Variants in KPNA7 observed in about 807,000 individuals in gnomAD.
The protein encoded by KPNA7 is karyopherin subunit alpha 7.
KPNA7 carries 54 observed loss-of-function variants against 53.7 expected under a neutral mutation model. The observed-to-expected ratio is 1.01, with a 90% confidence interval of 0.81 to 1.26. The LOEUF is 1.26. KPNA7 is among the 50% of genes most tolerant of loss of function. The probability of loss-of-function intolerance (pLI) is 0.00; values close to 1 mark genes in which losing one functional copy is unlikely to be tolerated. For missense variants in KPNA7, 640 were observed against 644.5 expected (o/e 0.99, Z 0.07); for synonymous variants, 276 against 259.3 (o/e 1.06, Z -0.62).
chr7:99,182,225 C>G (rs1245662608), intron 8 of KPNA7, among the ~76,000 whole-genome samples, 160 bp from the exon 9 acceptor site: 1 of 151,802 alleles, frequency 6.6e-6, no homozygotes, highest in Non-Finnish European at 1.5e-5. Context: ...TTCTTTCCCC[C>G]CTCACTCTGT....
intron 2 of KPNA7, among the ~76,000 whole-genome samples, chr7:99,206,382 G>T (rs1264547955): frequency 2.0e-5 from 3 of 152,010 alleles, no homozygotes; most frequent in Admixed American, 1.3e-4. Flanking sequence ...GGCTGGTCTC[G>T]AACTCCTGAC....
chr7:99,185,307 G>C, intron 7 of KPNA7, 145 bp from the exon 8 acceptor site: 1 of 644,832 alleles, frequency 1.6e-6, no homozygotes, highest in Non-Finnish European at 2.7e-6. Context: ...TTGTATCTGT[G>C]ATCATTATTC....
chr7:99,168,980 G>A (rs547033794), downstream of KPNA7, among the ~76,000 whole-genome samples: 3 of 152,236 alleles, frequency 2.0e-5, no homozygotes, highest in South Asian at 6.2e-4. Flanking sequence ...ACAAGGTCAA[G>A]AGATTGAGAC....
intron 1 of KPNA7, among the ~76,000 whole-genome samples, chr7:99,217,536 T>C (rs1282598460): frequency 7.5e-6 from 1 of 133,104 alleles, no homozygotes; most frequent in Non-Finnish European, 1.6e-5. Flanking sequence ...GGGTTGGGGG[T>C]GGAGAGGGAA....
At chr7:99,218,983 C>T (rs1791282445) in intron 1 of KPNA7, among the ~76,000 whole-genome samples, 1 of 152,256 alleles carries the variant, frequency 6.6e-6, no homozygotes, top group South Asian at 2.1e-4. Context: ...GCCTCCAGCC[C>T]CTTGGTCAGC....
the KPNA7 span, among the ~76,000 whole-genome samples, chr7:99,148,363 A>C: frequency 5.3e-5 from 8 of 152,286 alleles, no homozygotes; most frequent in African/African-American, 1.9e-4. Context: ...GGCATTTGAA[A>C]TATTTTCCAG....
At chr7:99,168,913 C>A (rs918150067), downstream of KPNA7, among the ~76,000 whole-genome samples, 8 of 152,294 alleles carry the variant, frequency 5.3e-5, no homozygotes, top group South Asian at 4.1e-4. Context: ...AATGTAACCA[C>A]GGTGGCTCAC....
chr7:99,157,805 C>T, the KPNA7 span, among the ~76,000 whole-genome samples: 1 of 151,952 alleles, frequency 6.6e-6, no homozygotes. Flanking sequence ...GATACAGGGT[C>T]TCACTGTCAC....
chr7:99,174,813 ATTAT>A (rs1563062794), intron 10 of KPNA7, among the ~76,000 whole-genome samples: 1 of 145,844 alleles, frequency 6.9e-6, no homozygotes, highest in East Asian at 2.0e-4. Context: ...TCTCTTATTT[ATTAT>A]TTTTTTTTTT....
the KPNA7 span, among the ~76,000 whole-genome samples, chr7:99,168,167 C>T: frequency 5.9e-5 from 9 of 152,308 alleles, no homozygotes; most frequent in East Asian, 1.4e-3. Flanking sequence ...GTTTCCCTAA[C>T]TAGAATCTAA....
At position 99,207,460 on chromosome 7, in the gene KPNA7, T is replaced by C. The variant is rs1790872474; in HGVS notation, c.7A>G (p.Thr3Ala). The change falls in exon 2 of 11, where the codon ACC (threonine) becomes GCC (alanine). Residue 3 changes from threonine to alanine, a missense_variant. Coordinates refer to ENST00000327442, the MANE Select transcript of KPNA7 (RefSeq NM_001145715.3). MP[T>A]LDAPEERRRK... Reference sequence around the variant, plus strand: ...CGCCTCTCTTCTGGAGCATCTAAGGTCGGCATATTGACTGGAAGTAGTAAG... The same window carrying C: ...CGCCTCTCTTCTGGAGCATCTAAGGCCGGCATATTGACTGGAAGTAGTAAG... 1 of 1,551,172 alleles carries C rather than the reference T, an allele frequency of 6.4e-7. No individual in the cohort carries two copies.
chr7:99,181,814 A>G (rs1799283331), intron 9 of KPNA7, 69 bp downstream of exon 9: 1 of 1,296,226 alleles, frequency 7.7e-7, no homozygotes, highest in East Asian at 2.8e-5. Context: ...GAATTTTAAG[A>G]GCCACATTAA....
intron 7 of KPNA7, among the ~76,000 whole-genome samples, chr7:99,185,435 C>T (rs537090337): frequency 6.6e-6 from 1 of 152,268 alleles, no homozygotes; most frequent in East Asian, 1.9e-4. Flanking sequence ...CAGCCTTCAA[C>T]TCTTGGGCTC....
At chr7:99,157,450 C>G in the KPNA7 span, among the ~76,000 whole-genome samples, 2 of 152,200 alleles carry the variant, frequency 1.3e-5, no homozygotes, top group Non-Finnish European at 2.9e-5. Context: ...CTCAGGTGAT[C>G]CACCTGCCTT....
At chr7:99,174,841 T>C (rs141434712) in intron 10 of KPNA7, among the ~76,000 whole-genome samples, 3,483 of 151,642 alleles carry the variant, frequency 0.023, 135 homozygotes, top group African/African-American at 0.081. Flanking sequence ...GATGGAGTCT[T>C]ACTCTGTCGC....
At chr7:99,179,209 G>A (rs1799051529) in intron 9 of KPNA7, among the ~76,000 whole-genome samples, 1 of 152,110 alleles carries the variant, frequency 6.6e-6, no homozygotes, top group Non-Finnish European at 1.5e-5. Context: ...ACTTCTAAAA[G>A]GAGCTCCTTG....
At chr7:99,179,714 A>G (rs1439565947) in intron 9 of KPNA7, among the ~76,000 whole-genome samples, 1 of 151,406 alleles carries the variant, frequency 6.6e-6, no homozygotes, top group East Asian at 1.9e-4. Flanking sequence ...CCTCCCGAGT[A>G]GCTGGGATTA....
At chr7:99,185,999 C>T (rs986816712) in intron 7 of KPNA7, among the ~76,000 whole-genome samples, 2 of 151,988 alleles carry the variant, frequency 1.3e-5, no homozygotes, top group Admixed American at 1.3e-4. Flanking sequence ...CACCATGTTG[C>T]CCAGGCTTGT....
At chr7:99,165,773 C>G in the KPNA7 span, among the ~76,000 whole-genome samples, 2 of 152,242 alleles carry the variant, frequency 1.3e-5, no homozygotes, top group South Asian at 4.1e-4. Flanking sequence ...GCTATGTTGT[C>G]CAGGCTGGAC....
Sources: allele counts gnomAD v4.1 joint callset (sites outside exome capture counted in the v4.1 genomes callset), GRCh38; gene constraint gnomAD v4.1.1; transcripts MANE v1.5; gene names NCBI Gene and HGNC (gene_info 2026-07-23, HGNC 2026-07-21).